The following PRKCE variants were observed in gnomAD, a reference collection of about 807,000 sequenced individuals.
PRKCE encodes the protein protein kinase C epsilon.
In PRKCE, 16 loss-of-function variants were observed where a neutral mutation model predicts 85.4. That is an observed-to-expected ratio of 0.19 (90% CI 0.13 to 0.28). The LOEUF is 0.28. Among genes scored for constraint, PRKCE ranks in the 10% least tolerant of loss-of-function variants. PRKCE has a pLI of 1.00. For synonymous variants in PRKCE, 388 were observed against 371.5 expected, an observed-to-expected ratio of 1.04 and a Z score of -0.51; for missense variants, 573 against 975.2, an observed-to-expected ratio of 0.59 and a Z score of 5.49.
chr2:45,672,614 C>T (rs527836291), intron 1 of PRKCE, among the ~76,000 whole-genome samples: 37 of 152,224 alleles, frequency 2.4e-4, no homozygotes, highest in African/African-American at 7.0e-4. Context: ...ACTGAGGTTG[C>T]GGCAATTGAC....
Position 46,184,798 on chromosome 2 carries a change from C to G in PRKCE, c.2131C>G (p.Leu711Val), listed in dbSNP as rs372429367. 3 of 1,599,654 alleles carry G rather than the reference C, an allele frequency of 1.9e-6. No individual in the cohort carries two copies. The African/African-American group carries it at 4.0e-5, about 21-fold the overall frequency. ...TACCCGGGAAGAGCCGGTACTCACC[C>G]TTGTGGACGAAGCAATTGTAAAGCA... ...DFTREEPVLT[L>V]VDEAIVKQIN... Residue 711 changes from leucine (L) to valine (V), a missense_variant, in exon 15 of 15, where the codon CTT (leucine) becomes GTT (valine). Leu to Val is a conservative substitution (Grantham distance 32). Around this residue, in one of 11 missense-constraint regions of PRKCE, gnomAD observed 45 missense variants for 39.1 expected, o/e 1.15. Transcript: ENST00000306156. The surrounding 1 kb of genome is among the most constrained non-coding windows in gnomAD (Gnocchi z 5.0).
chr2:45,666,266 G>A (rs891003430), intron 1 of PRKCE, among the ~76,000 whole-genome samples: 1 of 152,076 alleles, frequency 6.6e-6, no homozygotes, highest in Non-Finnish European at 1.5e-5. Flanking sequence ...TATTAGTCTG[G>A]TTCCCTGGAA....
At chr2:45,906,825 G>A (rs530591320) in intron 2 of PRKCE, among the ~76,000 whole-genome samples, 6 of 152,198 alleles carry the variant, frequency 3.9e-5, no homozygotes, top group Admixed American at 2.6e-4. Context: ...GCAGAGGCCT[G>A]GGGCCAGCAC....
intron 1 of PRKCE, among the ~76,000 whole-genome samples, chr2:45,706,964 T>A (rs965511033): frequency 2.0e-5 from 3 of 152,208 alleles, no homozygotes; most frequent in African/African-American, 7.2e-5. Context: ...CTGGTTTTGC[T>A]TTTCACAGGT....
intron 1 of PRKCE, among the ~76,000 whole-genome samples, chr2:45,703,147 A>G (rs1228285083): frequency 6.7e-6 from 1 of 149,092 alleles, no homozygotes; most frequent in Non-Finnish European, 1.5e-5. Flanking sequence ...TGTATTTCTG[A>G]TGGCTGTTGT....
chr2:45,684,845 T>C (rs981934288), intron 1 of PRKCE, among the ~76,000 whole-genome samples: 3 of 152,094 alleles, frequency 2.0e-5, no homozygotes, highest in Non-Finnish European at 2.9e-5. Flanking sequence ...TCAACCCCAT[T>C]TGTAATTTGC....
chr2:45,992,346 A>G (rs938476810), intron 6 of PRKCE, among the ~76,000 whole-genome samples: 3 of 152,186 alleles, frequency 2.0e-5, no homozygotes, highest in Non-Finnish European at 4.4e-5. Context: ...GTCCCCGGAA[A>G]GCTCTGAGTC....
intron 1 of PRKCE, among the ~76,000 whole-genome samples, chr2:45,825,525 T>G (rs1475845381): frequency 6.6e-6 from 1 of 152,150 alleles, no homozygotes; most frequent in Non-Finnish European, 1.5e-5. Flanking sequence ...AACCTCACTT[T>G]GCAAAAAGTG....
At chr2:46,007,167 G>T (rs993267683) in intron 8 of PRKCE, among the ~76,000 whole-genome samples, 1 of 152,222 alleles carries the variant, frequency 6.6e-6, no homozygotes, top group African/African-American at 2.4e-5. Context: ...TAGGCTACTA[G>T]CCAAAGGGGG....
chr2:45,884,992 TA>T (rs55654601), intron 2 of PRKCE, among the ~76,000 whole-genome samples: 951 of 71,828 alleles, frequency 0.013, 53 homozygotes, highest in Middle Eastern at 0.027. Flanking sequence ...TATATATATA[TA>T]TATATATATT....
chr2:45,936,078 C>T (rs573970226), intron 2 of PRKCE, among the ~76,000 whole-genome samples: 4 of 152,258 alleles, frequency 2.6e-5, no homozygotes, highest in Non-Finnish European at 5.9e-5. Flanking sequence ...CAGCCTGCTG[C>T]CCTGCCTTTG....
At position 45,984,809 on chromosome 2, in the gene PRKCE, T is replaced by A. The variant is rs1425895663; in HGVS notation, c.823+129T>A. ...CCAAGAACTGAGTGCAAGCCTTTGTTAATCCTGCATTAGTAACTCTGTGCA... is the reference window on the plus strand; with the variant it reads ...CCAAGAACTGAGTGCAAGCCTTTGTAAATCCTGCATTAGTAACTCTGTGCA... On this transcript the variant is annotated intron_variant, in intron 6 of 14. Coordinates refer to ENST00000306156, the MANE Select transcript of PRKCE (RefSeq NM_005400.3). 4.7e-6 allele frequency: 6 copies of A among 1,282,058 alleles called. No individual in the cohort carries two copies. In the African/African-American group the frequency reaches 5.9e-5, roughly 13 times the overall value. 79.4% of individuals were successfully genotyped at this position (1,282,058 alleles called of 1,614,324 possible).
At chr2:45,804,686 T>A (rs1203514840) in intron 1 of PRKCE, among the ~76,000 whole-genome samples, 3 of 152,108 alleles carry the variant, frequency 2.0e-5, no homozygotes, top group African/African-American at 4.8e-5. Context: ...AATTCAACTA[T>A]AATTGAGAAA....
chr2:45,959,133 A>G (rs961135013), intron 2 of PRKCE, among the ~76,000 whole-genome samples: 1 of 151,872 alleles, frequency 6.6e-6, no homozygotes, highest in Admixed American at 6.6e-5. Context: ...TTTAGCTTTT[A>G]AAATGCACCG....
intron 1 of PRKCE, among the ~76,000 whole-genome samples, chr2:45,825,688 A>G (rs538196573): frequency 2.2e-4 from 34 of 152,206 alleles, no homozygotes; most frequent in Non-Finnish European, 4.0e-4. Context: ...GTTCGAGACC[A>G]GCCTGGGTAA....
At chr2:45,758,931 G>A (rs376770421) in intron 1 of PRKCE, among the ~76,000 whole-genome samples, 31 of 152,302 alleles carry the variant, frequency 2.0e-4, no homozygotes, top group African/African-American at 6.3e-4. Context: ...TGGGGAGTCC[G>A]GCGTGTTGTC....
intron 1 of PRKCE, among the ~76,000 whole-genome samples, chr2:45,750,865 G>C (rs535206882): frequency 6.6e-6 from 1 of 152,254 alleles, no homozygotes; most frequent in East Asian, 1.9e-4. Context: ...AGCAATCATG[G>C]AGGCCCCTTC....
intron 2 of PRKCE, among the ~76,000 whole-genome samples, chr2:45,933,567 G>A (rs1345434782): frequency 4.5e-5 from 6 of 133,686 alleles, no homozygotes; most frequent in Non-Finnish European, 9.2e-5. Context: ...TCCACCTCCC[G>A]GGTTCACGCC....
intron 14 of PRKCE, among the ~76,000 whole-genome samples, chr2:46,161,575 C>T (rs1303251060): frequency 6.6e-6 from 1 of 151,942 alleles, no homozygotes; most frequent in Admixed American, 6.6e-5. Flanking sequence ...CCCCTTCCTG[C>T]TTGGGGAAGA....
Sources: allele counts gnomAD v4.1 joint callset (sites outside exome capture counted in the v4.1 genomes callset), GRCh38; gene constraint gnomAD v4.1.1; regional missense constraint gnomAD v4.1.1; non-coding constraint Gnocchi (gnomAD v3.1); transcripts MANE v1.5; gene names NCBI Gene and HGNC (gene_info 2026-07-23, HGNC 2026-07-21).